ZNF827: variants seen among roughly 807,000 people sequenced by gnomAD.
ZNF827 encodes zinc finger protein 827.
In ZNF827, 13 loss-of-function variants were observed where a neutral mutation model predicts 102.4. The ratio of observed to expected loss-of-function variants is 0.13; its 90% CI spans 0.08 to 0.20. The LOEUF (loss-of-function observed/expected upper bound fraction) is 0.20. ZNF827 is among the 10% of genes least tolerant of loss of function. The pLI, the probability that ZNF827 is intolerant of heterozygous loss-of-function variation, is 1.00. For missense variants in ZNF827, 1,103 were observed against 1,344.4 expected (o/e 0.82, Z 2.81); for synonymous variants, 523 against 536.2 (o/e 0.98, Z 0.34).
chr4:145,803,509 T>A (rs1171096257), intron 8 of ZNF827, among the ~76,000 whole-genome samples: 1 of 152,158 alleles, frequency 6.6e-6, no homozygotes, highest in Non-Finnish European at 1.5e-5. Flanking sequence ...GATTTTGGAA[T>A]CTAGCTGTTT....
In ZNF827 at chr4:145,761,665, G is replaced by A. The variant is rs984292650; in HGVS notation, c.*18-67C>T. The A allele has an allele frequency of 5.9e-5, 58 of 979,406 alleles. No homozygotes were observed. The highest frequency in any genetic ancestry group is 7.1e-5 in the Non-Finnish European group (52 of 735,126). 60.7% of individuals were successfully genotyped at this position (979,406 alleles called of 1,614,324 possible). ...TTCGGAGGCAGCCGCGCTTCTCGCC[G>A]CCTCACCAGCCTTCCCTCACACCAC... is the stretch of plus-strand genomic sequence containing the variant. On this transcript the variant is annotated intron_variant, in intron 14 of 14. Coordinates refer to ENST00000508784, the MANE Select transcript of ZNF827 (RefSeq NM_001306215.2). The surrounding 1 kb of genome is among the most constrained non-coding windows in gnomAD (Gnocchi z 6.8).
intron 5 of ZNF827, among the ~76,000 whole-genome samples, chr4:145,861,883 T>C (rs1295304027): frequency 6.6e-6 from 1 of 152,228 alleles, no homozygotes; most frequent in African/African-American, 2.4e-5. Context: ...TATTAACATA[T>C]GCAGCTATGC....
At chr4:145,868,010 T>C (rs1375833881) in intron 5 of ZNF827, among the ~76,000 whole-genome samples, 1 of 152,248 alleles carries the variant, frequency 6.6e-6, no homozygotes, top group Non-Finnish European at 1.5e-5. Context: ...ACAAAGTTTT[T>C]TCCTAACATC....
At chr4:145,872,588 A>C (rs1439898468) in intron 4 of ZNF827, among the ~76,000 whole-genome samples, 1 of 152,172 alleles carries the variant, frequency 6.6e-6, no homozygotes, top group Non-Finnish European at 1.5e-5. Flanking sequence ...TTATGTTAAC[A>C]ATTTATGGCT....
intron 8 of ZNF827, among the ~76,000 whole-genome samples, chr4:145,789,035 A>T (rs1435182427): frequency 6.6e-6 from 1 of 152,250 alleles, no homozygotes; most frequent in African/African-American, 2.4e-5. Flanking sequence ...CTAGACAATG[A>T]GATATAGGTG....
intron 11 of ZNF827, among the ~76,000 whole-genome samples, chr4:145,769,918 C>T (rs992788431): frequency 1.3e-5 from 2 of 152,212 alleles, no homozygotes; most frequent in Middle Eastern, 3.2e-3. Flanking sequence ...TCAATACAGA[C>T]ACTGTTACAT....
At chr4:145,840,547 A>G (rs1035130089) in intron 7 of ZNF827, among the ~76,000 whole-genome samples, 2 of 152,250 alleles carry the variant, frequency 1.3e-5, no homozygotes, top group Non-Finnish European at 2.9e-5. Context: ...TTAAAGTCAC[A>G]ACATGTAAAG....
In ZNF827 at chr4:145,938,462, C is replaced by T; in HGVS notation, c.-55G>A. 2 of 1,264,972 alleles carry T rather than the reference C, an allele frequency of 1.6e-6. No individual in the cohort carries two copies. Among genetic ancestry groups the T allele is most frequent in the South Asian group, 1.2e-5 (1 of 80,036 alleles). The allele number at this position is 1,264,972 out of a possible 1,614,324, so 78.4% of individuals were successfully genotyped here. ...GGTTAATGTGAGATCAAATAAACCC[C>T]CGTGGGGGCAGAGAGGCAGACACTG... On this transcript the variant is annotated 5_prime_UTR_variant, in exon 1 of 15. Coordinates refer to ENST00000508784, the MANE Select transcript of ZNF827 (RefSeq NM_001306215.2).
chr4:145,772,693 A>C (rs535983777), intron 11 of ZNF827, among the ~76,000 whole-genome samples: 98 of 152,364 alleles, frequency 6.4e-4, no homozygotes, highest in Middle Eastern at 6.8e-3. Flanking sequence ...ACCCTGGCTT[A>C]TAAAATAGGT....
intron 1 of ZNF827, chr4:145,907,274 T>C (rs72956667): frequency 0.011 from 5,208 of 453,446 alleles, 136 homozygotes; most frequent in African/African-American, 0.068. Flanking sequence ...AGTTCTTGAA[T>C]GTTGCAGTGG....
chr4:145,853,837 T>G (rs1032443753), intron 5 of ZNF827, among the ~76,000 whole-genome samples: 1 of 152,002 alleles, frequency 6.6e-6, no homozygotes, highest in Admixed American at 6.5e-5. Flanking sequence ...TGGTGGCACA[T>G]GCTTGTAGTC....
In ZNF827 at chr4:145,825,546, G is replaced by A. The variant is rs72954619; in HGVS notation, c.2280-2021C>T. Among the ~76,000 whole-genome samples, 1,171 of 152,290 alleles carry A rather than the reference G, an allele frequency of 7.7e-3. 21 individuals carry two copies. The highest frequency in any genetic ancestry group is 0.026 in the African/African-American group (1,076 of 41,540). On this transcript the variant is annotated intron_variant, in intron 7 of 14. Coordinates refer to ENST00000508784, the MANE Select transcript of ZNF827 (RefSeq NM_001306215.2). ...TCGCCAGCCAGCAGCGACACTTGCA[G>A]GTCGAAGAAGAGTTTAAAGGAGAGG...
At chr4:145,915,541 C>T (rs1752607908) in intron 1 of ZNF827, among the ~76,000 whole-genome samples, 1 of 152,144 alleles carries the variant, frequency 6.6e-6, no homozygotes. Flanking sequence ...CTAATCACCT[C>T]TTAAAGGTTC....
intron 8 of ZNF827, among the ~76,000 whole-genome samples, chr4:145,781,218 G>GAAAAAA (rs1560914681): frequency 2.8e-5 from 2 of 70,852 alleles, no homozygotes; most frequent in African/African-American, 1.1e-4. Context: ...AAAAAAAAAA[G>GAAAAAA]AAAAAAAAAG....
chr4:145,813,676 A>G (rs1742279573), intron 8 of ZNF827, among the ~76,000 whole-genome samples: 1 of 152,206 alleles, frequency 6.6e-6, no homozygotes, highest in African/African-American at 2.4e-5. Context: ...TTACGAGTGC[A>G]TGTGCATCAG....
At chr4:145,783,690 G>T (rs1037605286) in intron 8 of ZNF827, among the ~76,000 whole-genome samples, 1 of 152,204 alleles carries the variant, frequency 6.6e-6, no homozygotes, top group Non-Finnish European at 1.5e-5. Context: ...GGATATACTG[G>T]TATTGACCCC....
At chr4:145,815,915 A>G (rs1246700230) in intron 8 of ZNF827, among the ~76,000 whole-genome samples, 1 of 152,256 alleles carries the variant, frequency 6.6e-6, no homozygotes, top group East Asian at 1.9e-4. Flanking sequence ...GGGTGTTTGG[A>G]ATATTATGTG....
At chr4:145,923,542 C>T (rs1753225240) in intron 1 of ZNF827, among the ~76,000 whole-genome samples, 1 of 151,954 alleles carries the variant, frequency 6.6e-6, no homozygotes, top group African/African-American at 2.4e-5. Flanking sequence ...CCGCTTGAAC[C>T]CAGGAGGCAG....
intron 5 of ZNF827, among the ~76,000 whole-genome samples, chr4:145,853,310 G>T (rs1397302247): frequency 1.3e-5 from 2 of 151,996 alleles, no homozygotes; most frequent in Non-Finnish European, 2.9e-5. Flanking sequence ...CCATACCCAG[G>T]GACATGTCTA....
Sources: gnomAD v4.1 joint callset for allele counts (sites outside exome capture counted in the v4.1 genomes callset) on GRCh38, gnomAD v4.1.1 for gene constraint, Gnocchi (gnomAD v3.1) non-coding constraint, MANE v1.5 for transcripts, NCBI Gene and HGNC (gene_info 2026-07-23, HGNC 2026-07-21) for gene names.